The following NR3C2 variants were observed in gnomAD, a reference collection of about 807,000 sequenced individuals.
NR3C2 encodes mineralocorticoid receptor.
Under a neutral mutation model 86.4 loss-of-function variants are expected in NR3C2, and 15 were observed. The observed-to-expected ratio is 0.17, with a 90% CI of 0.12 to 0.27. NR3C2 has a LOEUF of 0.27. Among genes scored for constraint, NR3C2 ranks in the 10% least tolerant of loss-of-function variants. The probability of loss-of-function intolerance (pLI) is 1.00; values close to 1 mark genes in which losing one functional copy is unlikely to be tolerated. For synonymous variants in NR3C2, 458 were observed against 450.5 expected, an observed-to-expected ratio of 1.02 and a Z score of -0.21; for missense variants, 960 against 1,195.6, an observed-to-expected ratio of 0.80 and a Z score of 2.91.
chr4:148,113,228 A>G lies in NR3C2; in HGVS notation c.2799+876T>C, dbSNP rs61764246. Among the ~76,000 whole-genome samples the G allele has an allele frequency of 4.7e-3, 721 of 152,346 alleles. 3 individuals carry two copies. Among genetic ancestry groups the G allele is most frequent in the Non-Finnish European group, 7.2e-3 (492 of 68,028 alleles). ...ACACAAGACAAGAAAGGTGACTCCTATGAAGAATAATGAATATAAGACTCA... is the reference window on the plus strand; with the variant it reads ...ACACAAGACAAGAAAGGTGACTCCTGTGAAGAATAATGAATATAAGACTCA... On this transcript the variant is annotated intron_variant, in intron 8 of 8. Coordinates refer to ENST00000358102, the MANE Select transcript of NR3C2 (RefSeq NM_000901.5).
chr4:148,321,785 A>C (rs913929520), intron 2 of NR3C2, among the ~76,000 whole-genome samples: 9 of 152,160 alleles, frequency 5.9e-5, no homozygotes, highest in Admixed American at 2.6e-4. Context: ...TGCACATGAG[A>C]TGGGTTTCCT....
chr4:148,250,201 T>C (rs1000243221), intron 3 of NR3C2, among the ~76,000 whole-genome samples: 4 of 152,162 alleles, frequency 2.6e-5, no homozygotes, highest in African/African-American at 4.8e-5. Flanking sequence ...TATATAGATA[T>C]TGAGGAATAA....
intron 2 of NR3C2, among the ~76,000 whole-genome samples, chr4:148,345,729 A>C (rs2149986465): frequency 6.6e-6 from 1 of 151,562 alleles, no homozygotes; most frequent in Non-Finnish European, 1.5e-5. Flanking sequence ...AAACCTGAGG[A>C]CTTTAATACT....
At chr4:148,359,179 T>C (rs1745717473) in intron 2 of NR3C2, among the ~76,000 whole-genome samples, 1 of 152,188 alleles carries the variant, frequency 6.6e-6, no homozygotes, top group African/African-American at 2.4e-5. Flanking sequence ...AAATATCATC[T>C]GAAAAGATTA....
intron 4 of NR3C2, among the ~76,000 whole-genome samples, chr4:148,174,653 G>A (rs753384393): frequency 4.6e-5 from 7 of 152,164 alleles, no homozygotes; most frequent in East Asian, 1.9e-4. Flanking sequence ...GTCTACATGC[G>A]TCCAGGGTCT....
chr4:148,444,308 A>T, upstream of NR3C2: 1 of 985,260 alleles, frequency 1.0e-6, no homozygotes, highest in Non-Finnish European at 1.2e-6. Context: ...CTAGGTTAGA[A>T]CCGTGCAGGG....
At chr4:148,334,841 T>G (rs1579173199) in intron 2 of NR3C2, among the ~76,000 whole-genome samples, 1 of 152,200 alleles carries the variant, frequency 6.6e-6, no homozygotes, top group Admixed American at 6.5e-5. Flanking sequence ...CAGGGTTGGG[T>G]TCCTTCTGAG....
At chr4:148,270,699 G>A (rs1740635671) in intron 2 of NR3C2, among the ~76,000 whole-genome samples, 2 of 152,226 alleles carry the variant, frequency 1.3e-5, no homozygotes, top group South Asian at 4.1e-4. Context: ...AAACAGTAGA[G>A]GCTTTAAATA....
chr4:148,113,964 G>T, intron 8 of NR3C2, 140 bp downstream of exon 8: 6 of 1,005,444 alleles, frequency 6.0e-6, no homozygotes, highest in Non-Finnish European at 9.2e-6. Flanking sequence ...TCAGCCCCTT[G>T]GACATGGCGA....
At chr4:148,380,396 G>C (rs1746911745) in intron 2 of NR3C2, among the ~76,000 whole-genome samples, 1 of 152,124 alleles carries the variant, frequency 6.6e-6, no homozygotes. Flanking sequence ...CCATCTTTGG[G>C]CTATTATGAA....
At chr4:148,252,285 C>G (rs996691107) in intron 3 of NR3C2, among the ~76,000 whole-genome samples, 1 of 152,156 alleles carries the variant, frequency 6.6e-6, no homozygotes, top group South Asian at 2.1e-4. Flanking sequence ...CAATGTTTTC[C>G]CTATGACAAC....
At chr4:148,346,613 G>C (rs1032849769) in intron 2 of NR3C2, among the ~76,000 whole-genome samples, 1 of 151,930 alleles carries the variant, frequency 6.6e-6, no homozygotes, top group Non-Finnish European at 1.5e-5. Flanking sequence ...GGTGCACCTG[G>C]GATACAGCTA....
chr4:148,360,623 A>T (rs889222225), intron 2 of NR3C2, among the ~76,000 whole-genome samples: 19 of 152,208 alleles, frequency 1.2e-4, no homozygotes, highest in African/African-American at 3.6e-4. Context: ...TCCCTATTGG[A>T]TTTAGGATGT....
chr4:148,252,601 C>G (rs895023586), intron 3 of NR3C2, among the ~76,000 whole-genome samples: 1 of 152,168 alleles, frequency 6.6e-6, no homozygotes, highest in Non-Finnish European at 1.5e-5. Flanking sequence ...CAAAGTAGCT[C>G]ATGAAAATTT....
intron 2 of NR3C2, among the ~76,000 whole-genome samples, chr4:148,267,820 A>G (rs1740474999): frequency 6.6e-6 from 1 of 152,174 alleles, no homozygotes; most frequent in South Asian, 2.1e-4. Context: ...ACAAACATAA[A>G]TCAACCTTTA....
intron 6 of NR3C2, 76 bp downstream of exon 6, chr4:148,152,393 T>C: frequency 6.6e-7 from 1 of 1,514,082 alleles, no homozygotes; most frequent in South Asian, 1.1e-5. Flanking sequence ...CGTACATCTG[T>C]TTAGAAATTA....
rs751068294 is a variant in NR3C2, at chr4:148,154,813, C to A, written c.2103G>T (p.Pro701=). ...QQQPPPPPPP[P]QSPEEGTTYI... ...ACGTTGTCCCTTCCTCTGGGCTTTG[C>A]GGGGGTGGGGGTGGGGGTGGGGGCT... Residue 701 remains proline, a synonymous_variant, in exon 5 of 9, where the codon CCG becomes CCT. Coordinates refer to ENST00000358102, the MANE Select transcript of NR3C2 (RefSeq NM_000901.5). 1 of 155,718 alleles carries A rather than the reference C, an allele frequency of 6.4e-6. No individual in the cohort carries two copies. Among genetic ancestry groups the A allele is most frequent in the South Asian group, 5.1e-5 (1 of 19,496 alleles). 9.6% of individuals were successfully genotyped at this position (155,718 alleles called of 1,614,324 possible).
chr4:148,266,074 G>A (rs1023372900), intron 2 of NR3C2, among the ~76,000 whole-genome samples: 4 of 110,442 alleles, frequency 3.6e-5, no homozygotes, highest in Non-Finnish European at 7.4e-5. Flanking sequence ...CCAGAAGGCC[G>A]CTTTTTTTTT....
intron 2 of NR3C2, among the ~76,000 whole-genome samples, chr4:148,335,571 G>A (rs190086754): frequency 2.6e-4 from 40 of 152,080 alleles, no homozygotes; most frequent in Admixed American, 8.5e-4. Flanking sequence ...CAATGTGTTC[G>A]GCTAAATTGG....
Sources: gnomAD v4.1 joint callset for allele counts (sites outside exome capture counted in the v4.1 genomes callset) on GRCh38, gnomAD v4.1.1 for gene constraint, MANE v1.5 for transcripts, NCBI Gene and HGNC (gene_info 2026-07-23, HGNC 2026-07-21) for gene names.